The following SMTNL2 variants were observed in gnomAD, a reference collection of about 807,000 sequenced individuals.
SMTNL2 encodes smoothelin like 2.
In SMTNL2, 43 loss-of-function variants were observed where a neutral mutation model predicts 44.1. That is an observed-to-expected ratio of 0.98 (90% CI 0.76 to 1.26). The LOEUF is 1.26. Among genes scored for constraint, SMTNL2 ranks in the 50% most tolerant of loss-of-function variants. SMTNL2 has a pLI of 0.00. For synonymous variants in SMTNL2, 317 were observed against 287.6 expected (o/e 1.10, Z -1.03); for missense variants, 646 against 670.2 (o/e 0.96, Z 0.40).
chr17:4,585,445 T>C (rs568219927), intron 1 of SMTNL2, among the ~76,000 whole-genome samples: 2 of 152,368 alleles, frequency 1.3e-5, no homozygotes, highest in South Asian at 4.1e-4. Flanking sequence ...GCTCTGGTTA[T>C]TGATTAACTC....
chr17:4,597,972 G>A (rs536517098), intron 7 of SMTNL2, among the ~76,000 whole-genome samples: 176 of 152,254 alleles, frequency 1.2e-3, no homozygotes, highest in Admixed American at 4.6e-3. Context: ...GGGCTCCAGC[G>A]GCGGACGGGG....
Position 4,593,910 on chromosome 17 carries a change from C to T in SMTNL2, c.806+13C>T, listed in dbSNP as rs1402165071. On this transcript the variant is annotated intron_variant, in intron 4 of 7. Coordinates refer to ENST00000389313, the MANE Select transcript of SMTNL2 (RefSeq NM_001114974.2). ...AACACAGCAATAGGTGAGTCAGGGC[C>T]TGTGTTCCTGTGGGGTCGCTGCGCC... is the stretch of plus-strand genomic sequence containing the variant. 1 of 1,613,812 alleles carries T rather than the reference C, an allele frequency of 6.2e-7. No individual in the cohort carries two copies. The highest frequency in any genetic ancestry group is 2.2e-5 in the East Asian group (1 of 44,860).
chr17:4,606,565 A>G (rs1268420276), intron 7 of SMTNL2, among the ~76,000 whole-genome samples: 2 of 151,984 alleles, frequency 1.3e-5, no homozygotes, highest in Non-Finnish European at 2.9e-5. Context: ...GTTCAAGACC[A>G]GTCTGGGTAA....
rs34049978 is a variant in SMTNL2 at position 4,597,208 on chromosome 17, G to A, written c.1144G>A (p.Asp382Asn). 3.4e-4 allele frequency: 545 copies of A among 1,614,008 alleles called. 1 individual carries two copies. In the African/African-American group the frequency reaches 4.6e-3, roughly 14 times the overall value. The change falls in exon 7 of 8, where the codon GAC (aspartate) becomes AAC (asparagine). Residue 382 changes from aspartate to asparagine, a missense_variant. Coordinates refer to ENST00000389313, the MANE Select transcript of SMTNL2 (RefSeq NM_001114974.2). ...DLQNFSSSWS[D>N]GMAFCALVHS... ...GCAGAACTTCTCCTCCAGCTGGAGC[G>A]ACGGCATGGCCTTCTGCGCCCTGGT... is the stretch of plus-strand genomic sequence containing the variant.
rs1256886786 is a variant in SMTNL2, at chr17:4,593,110, C to G, written c.669C>G (p.Thr223=). Residue 223 remains threonine (T), a synonymous_variant, in exon 3 of 8, where the codon ACC becomes ACG. Coordinates refer to ENST00000389313, the MANE Select transcript of SMTNL2 (RefSeq NM_001114974.2). The part of the protein sequence containing the change: ...AAALSPMSAA[T]LGGLNPSPSE... Reference sequence around the variant, plus strand: ...CTCTATCACCCATGTCTGCTGCCACCCTGGGGGGCCTCAACCCAAGCCCCA... The same window carrying G: ...CTCTATCACCCATGTCTGCTGCCACGCTGGGGGGCCTCAACCCAAGCCCCA... 1.1e-5 allele frequency: 18 copies of G among 1,613,598 alleles called. No individual in the cohort carries two copies. Among genetic ancestry groups the G allele is most frequent in the Non-Finnish European group, 1.5e-5 (18 of 1,179,846 alleles).
chr17:4,593,978 G>GCCAA, intron 4 of SMTNL2, 81 bp downstream of exon 4: 2 of 1,496,904 alleles, frequency 1.3e-6, no homozygotes, highest in Non-Finnish European at 1.9e-6. Flanking sequence ...CCCAGGGTTG[G>GCCAA]CCCTGGGGTT....
Position 4,584,859 on chromosome 17 carries a change from G to C in SMTNL2, c.254G>C (p.Gly85Ala). ...ERLTRQVEAL[G>A]LASGMSPVPG... ...CTGACGCGCCAGGTGGAGGCGCTGG[G>C]CTTGGCCAGCGGGATGTCCCCGGTG... is the stretch of plus-strand genomic sequence containing the variant. Residue 85 changes from glycine to alanine, a missense_variant, in exon 1 of 8, where the codon GGC (glycine) becomes GCC (alanine). Gly to Ala is a moderately conservative substitution (Grantham distance 60). Transcript: ENST00000389313. 1 of 1,317,750 alleles carries C rather than the reference G, an allele frequency of 7.6e-7. No individual in the cohort carries two copies. Among genetic ancestry groups the C allele is most frequent in the Non-Finnish European group, 9.7e-7 (1 of 1,035,840 alleles). 81.6% of individuals were successfully genotyped at this position (1,317,750 alleles called of 1,614,324 possible).
rs1367942668 is a variant in SMTNL2, at chr17:4,596,885, C to T, written c.1015C>T (p.Leu339=). ...GKGKGEARAR[L]KRSQSFGVAS... ...GGGGAAAGGCGAGGCCCGGGCCAGG[C>T]TGAAGCGGTCGCAGAGCTTCGGCGT... Residue 339 remains leucine, a synonymous_variant, in exon 6 of 8, where the codon CTG becomes TTG. Coordinates refer to ENST00000389313, the MANE Select transcript of SMTNL2 (RefSeq NM_001114974.2). 6.6e-7 allele frequency: 1 copy of T among 1,509,850 alleles called. No individual in the cohort carries two copies. The highest frequency in any genetic ancestry group is 8.9e-7 in the Non-Finnish European group (1 of 1,124,646). 93.5% of individuals were successfully genotyped at this position (1,509,850 alleles called of 1,614,324 possible). A position where few individuals can be genotyped will look rare whatever the true frequency, so the allele number is the denominator to read the frequency against.
intron 7 of SMTNL2, among the ~76,000 whole-genome samples, chr17:4,601,819 C>T (rs1416910138): frequency 1.3e-5 from 2 of 152,048 alleles, no homozygotes; most frequent in Admixed American, 1.3e-4. Flanking sequence ...CGCACTTGGC[C>T]TGTTTGAATC....
rs115848523 is a variant in SMTNL2, at chr17:4,608,074, G to C, written c.*587G>C. On this transcript the variant is annotated 3_prime_UTR_variant, in exon 8 of 8. Coordinates refer to ENST00000389313, the MANE Select transcript of SMTNL2 (RefSeq NM_001114974.2). ...GACCTTCAAGTCACCTCCGCTCTCC[G>C]GGGAGATGGGAAGGCTCTCCTCTCG... 4 of 152,116 alleles carry C rather than the reference G, an allele frequency of 2.6e-5. No homozygotes were observed. The highest frequency in any genetic ancestry group is 5.9e-5 in the Non-Finnish European group (4 of 68,032). The allele number at this position is 152,116 out of a possible 1,614,324, so 9.4% of individuals were successfully genotyped here.
chr17:4,597,332 G>A lies in SMTNL2; in HGVS notation c.1259+9G>A. The A allele has an allele frequency of 6.2e-7, 1 of 1,613,198 alleles. No homozygotes were observed. Reference sequence around the variant, plus strand: ...GCTTTCACCATGGCCGAGTGAGTATGGTGGCTCCTGCTGGCTACCAGCCCC... The same window carrying A: ...GCTTTCACCATGGCCGAGTGAGTATAGTGGCTCCTGCTGGCTACCAGCCCC... On this transcript the variant is annotated intron_variant, in intron 7 of 7. Transcript: ENST00000389313.
At chr17:4,599,090 C>T (rs976652068) in intron 7 of SMTNL2, among the ~76,000 whole-genome samples, 19 of 152,164 alleles carry the variant, frequency 1.2e-4, no homozygotes, top group South Asian at 4.1e-4. Context: ...ACTCTCTCTC[C>T]GAGGGCAGAA....
At chr17:4,588,751 A>C (rs529347725) in intron 1 of SMTNL2, among the ~76,000 whole-genome samples, 1 of 152,264 alleles carries the variant, frequency 6.6e-6, no homozygotes, top group East Asian at 1.9e-4. Flanking sequence ...CCTGGAAGAC[A>C]ACTTTGCCTT....
chr17:4,589,335 G>A (rs1354210883), intron 1 of SMTNL2, among the ~76,000 whole-genome samples: 1 of 152,144 alleles, frequency 6.6e-6, no homozygotes, highest in Non-Finnish European at 1.5e-5. Context: ...GAACCTGTCA[G>A]ACGAGAGCAG....
intron 7 of SMTNL2, among the ~76,000 whole-genome samples, chr17:4,599,324 T>A (rs1029549168): frequency 6.6e-6 from 1 of 152,108 alleles, no homozygotes; most frequent in Admixed American, 6.5e-5. Context: ...GACGATGGTG[T>A]GGTGGAGCCA....
intron 1 of SMTNL2, among the ~76,000 whole-genome samples, chr17:4,586,502 T>C (rs1306697468): frequency 1.0e-5 from 1 of 97,656 alleles, no homozygotes; most frequent in African/African-American, 3.9e-5. Context: ...TAGATGTGTG[T>C]GTACACACAA....
At chr17:4,585,775 C>A (rs1418267795) in intron 1 of SMTNL2, among the ~76,000 whole-genome samples, 1 of 152,234 alleles carries the variant, frequency 6.6e-6, no homozygotes, top group South Asian at 2.1e-4. Context: ...CATGTGCTCT[C>A]GGGTTGGGTT....
chr17:4,594,011 G>C (rs113330736), intron 4 of SMTNL2, 114 bp downstream of exon 4: 10 of 1,117,366 alleles, frequency 8.9e-6, no homozygotes, highest in Middle Eastern at 2.5e-4. Flanking sequence ...TAAGGCTCGG[G>C]GCTGGATCTC....
intron 7 of SMTNL2, among the ~76,000 whole-genome samples, chr17:4,606,342 G>A (rs1238645544): frequency 2.6e-5 from 4 of 151,014 alleles, no homozygotes; most frequent in South Asian, 4.2e-4. Context: ...GGCTGGTCTC[G>A]AACTCCTGAC....
Sources: allele counts gnomAD v4.1 joint callset (sites outside exome capture counted in the v4.1 genomes callset), GRCh38; gene constraint gnomAD v4.1.1; transcripts MANE v1.5; gene names NCBI Gene and HGNC (gene_info 2026-07-23, HGNC 2026-07-21).